Variants in NRG4 observed in about 807,000 individuals in gnomAD.
NRG4 encodes the protein pro-neuregulin-4, membrane-bound isoform.
Under a neutral mutation model 15.0 loss-of-function variants are expected in NRG4, and 10 were observed. The ratio of observed to expected loss-of-function variants is 0.67; its 90% confidence interval spans 0.41 to 1.13. NRG4 has a LOEUF of 1.13. Ranked by LOEUF, NRG4 falls within the 50% of genes most tolerant of loss-of-function variation. The pLI, the probability that NRG4 is intolerant of heterozygous loss-of-function variation, is 0.00. For missense variants in NRG4, 139 were observed against 140.2 expected (o/e 0.99, Z 0.04); for synonymous variants, 41 against 50.1 (o/e 0.82, Z 0.77).
intron 4 of NRG4, among the ~76,000 whole-genome samples, chr15:76,049,291 G>T (rs2035943085): frequency 6.6e-6 from 1 of 150,538 alleles, no homozygotes; most frequent in African/African-American, 2.5e-5. Context: ...TGCTTACAAA[G>T]AAATATTATC....
chr15:75,984,099 G>A (rs1029197849), intron 3 of NRG4, among the ~76,000 whole-genome samples: 1 of 152,128 alleles, frequency 6.6e-6, no homozygotes, highest in Non-Finnish European at 1.5e-5. Flanking sequence ...AAAATACCTG[G>A]TATGATAGTA....
intron 3 of NRG4, among the ~76,000 whole-genome samples, chr15:76,007,561 C>G (rs908609469): frequency 1.3e-5 from 2 of 151,648 alleles, no homozygotes; most frequent in Non-Finnish European, 2.9e-5. Context: ...TCCCGAGTAG[C>G]TGGGACTACA....
rs530909782 is a variant in NRG4 at position 76,047,881 on chromosome 15, C to T, written c.-105+4186G>A. Among the ~76,000 whole-genome samples the T allele has an allele frequency of 1.6e-4, 24 of 151,194 alleles. 2 individuals carry two copies. The South Asian group carries it at 2.5e-3, about 16-fold the overall frequency. ...ATCAAGAATTAAAGTTGCAGCCAGA[C>T]GCAATGGCTTGCAACTACAATCCCA... is the stretch of plus-strand genomic sequence containing the variant. On this transcript the variant is annotated intron_variant, in intron 4 of 8. Transcript: ENST00000563910.
chr15:75,981,715 G>A (rs1390152143), intron 3 of NRG4, among the ~76,000 whole-genome samples: 2 of 152,088 alleles, frequency 1.3e-5, no homozygotes, highest in East Asian at 1.9e-4. Flanking sequence ...TCAAATGGTC[G>A]TTTTTGAAGC....
rs986539454 is a variant in NRG4 at position 76,053,810 on chromosome 15, C to T, written c.-261-827G>A. ...ACCTCAAGTGATCTGGGATTACAGG[C>T]GTGAGCCACTGCACCCGGCCTGTAC... On this transcript the variant is annotated intron_variant, in intron 2 of 8. Coordinates refer to the NRG4 transcript ENST00000563910. Among the ~76,000 whole-genome samples, 50 of 150,954 alleles carry T rather than the reference C, an allele frequency of 3.3e-4. 1 individual carries two copies. The highest frequency in any genetic ancestry group is 6.0e-4 in the Non-Finnish European group (41 of 67,890).
At chr15:76,054,388 G>A (rs887419472) in intron 2 of NRG4, among the ~76,000 whole-genome samples, 1 of 151,936 alleles carries the variant, frequency 6.6e-6, no homozygotes, top group Non-Finnish European at 1.5e-5. Flanking sequence ...ACTGCACCCA[G>A]CCAGAGGGAT....
intron 5 of NRG4, among the ~76,000 whole-genome samples, chr15:75,948,866 T>C (rs765791725): frequency 2.0e-5 from 3 of 151,910 alleles, no homozygotes; most frequent in Non-Finnish European, 4.4e-5. Flanking sequence ...CTGGGCAACA[T>C]AGCAAGACCT....
intron 4 of NRG4, among the ~76,000 whole-genome samples, chr15:76,051,656 G>A (rs1421880650): frequency 2.0e-5 from 3 of 147,750 alleles, no homozygotes; most frequent in East Asian, 4.0e-4. Context: ...CTCCGCCTCC[G>A]GGGTTCATGC....
chr15:76,000,753 T>C (rs2034383344), intron 3 of NRG4, among the ~76,000 whole-genome samples: 1 of 152,166 alleles, frequency 6.6e-6, no homozygotes, highest in South Asian at 2.1e-4. Context: ...TGGTACACAC[T>C]GTGTGTACTT....
At chr15:75,972,877 A>G (rs1017892263) in intron 3 of NRG4, among the ~76,000 whole-genome samples, 7 of 152,172 alleles carry the variant, frequency 4.6e-5, no homozygotes, top group African/African-American at 1.4e-4. Context: ...TCCATATGAA[A>G]TTTAAAGTAG....
At chr15:76,035,847 G>A (rs749834047) in intron 5 of NRG4, 3 of 152,144 alleles carry the variant, frequency 2.0e-5, no homozygotes, top group Non-Finnish European at 2.9e-5. Flanking sequence ...GACAGTACAC[G>A]CCAATAGCAG....
At chr15:76,018,595 G>T (rs929353759) in intron 5 of NRG4, among the ~76,000 whole-genome samples, 1 of 152,184 alleles carries the variant, frequency 6.6e-6, no homozygotes, top group African/African-American at 2.4e-5. Context: ...CTCTGCTGCA[G>T]GTCTGCTGGA....
chr15:76,019,014 T>A (rs923577133), intron 5 of NRG4, among the ~76,000 whole-genome samples: 40 of 152,076 alleles, frequency 2.6e-4, no homozygotes, highest in African/African-American at 7.0e-4. Context: ...CTTTTTTTTT[T>A]AGAGATTCCC....
intron 4 of NRG4, among the ~76,000 whole-genome samples, chr15:76,046,242 T>C (rs535097718): frequency 2.6e-5 from 4 of 151,178 alleles, no homozygotes; most frequent in Admixed American, 6.6e-5. Flanking sequence ...TACTCATTAA[T>C]TGGAAGAATT....
intron 3 of NRG4, among the ~76,000 whole-genome samples, chr15:75,993,219 T>C (rs573700835): frequency 3.2e-4 from 48 of 151,858 alleles, no homozygotes; most frequent in African/African-American, 1.1e-3. Context: ...TTGGTGTTTG[T>C]TGAGCTTAAA....
intron 4 of NRG4, among the ~76,000 whole-genome samples, chr15:76,047,897 T>C (rs2035910698): frequency 6.6e-6 from 1 of 151,110 alleles, no homozygotes; most frequent in Non-Finnish European, 1.5e-5. Context: ...GGCTTGCAAC[T>C]ACAATCCCAG....
chr15:75,962,098 T>G, intron 3 of NRG4, 124 bp from the exon 4 acceptor site: 1 of 626,118 alleles, frequency 1.6e-6, no homozygotes. Flanking sequence ...GAACATGGAG[T>G]AGACAGGTTT....
intron 5 of NRG4, among the ~76,000 whole-genome samples, chr15:76,022,239 A>C (rs2035177538): frequency 6.6e-6 from 1 of 152,142 alleles, no homozygotes; most frequent in African/African-American, 2.4e-5. Flanking sequence ...AACGTGTACT[A>C]AGTGGCCTGC....
intron 3 of NRG4, among the ~76,000 whole-genome samples, chr15:75,996,366 T>C (rs1003344732): frequency 6.6e-6 from 1 of 152,202 alleles, no homozygotes; most frequent in African/African-American, 2.4e-5. Flanking sequence ...ATTTATTCCC[T>C]AGATATACCA....
Sources: gnomAD v4.1 joint callset for allele counts (sites outside exome capture counted in the v4.1 genomes callset) on GRCh38, gnomAD v4.1.1 for gene constraint, MANE v1.5 for transcripts, NCBI Gene and HGNC (gene_info 2026-07-23, HGNC 2026-07-21) for gene names.